NT5E: variants seen among roughly 807,000 people sequenced by gnomAD.
NT5E encodes 5'-nucleotidase.
NT5E carries 53 observed loss-of-function variants against 55.1 expected under a neutral mutation model. The observed-to-expected ratio is 0.96, with a 90% CI of 0.77 to 1.21. NT5E has a LOEUF of 1.21. Ranked by LOEUF, NT5E falls within the 50% of genes most tolerant of loss-of-function variation. The pLI is 0.00. For missense variants in NT5E, 683 were observed against 724.3 expected, an observed-to-expected ratio of 0.94 and a Z score of 0.65; for synonymous variants, 270 against 278.4, an observed-to-expected ratio of 0.97 and a Z score of 0.30.
Position 85,450,087 on chromosome 6 carries a change from G to T in NT5E, c.-53G>T, listed in dbSNP as rs1471819367. 6.9e-7 allele frequency: 1 copy of T among 1,450,948 alleles called. No homozygotes were observed. Among genetic ancestry groups the T allele is most frequent in the Non-Finnish European group, 9.3e-7 (1 of 1,072,950 alleles). The allele number at this position is 1,450,948 out of a possible 1,614,324, so 89.9% of individuals were successfully genotyped here. On this transcript the variant is annotated 5_prime_UTR_variant, in exon 1 of 9. Transcript: ENST00000257770. This position sits in a 1 kb window ranked among gnomAD's most constrained non-coding sequence, Gnocchi z 4.0. ...CGGCCCTAGCTGCTCGCCCCTACTC[G>T]CCGGCACTCGCCCGGCTCGCCCGCT...
intron 6 of NT5E, among the ~76,000 whole-genome samples, chr6:85,490,253 CTG>C (rs1769754503): frequency 6.6e-6 from 1 of 152,234 alleles, no homozygotes; most frequent in Non-Finnish European, 1.5e-5. Flanking sequence ...AGATCTAAGA[CTG>C]AGCATGGTGA....
chr6:85,494,087 T>C lies in NT5E; in HGVS notation c.*83T>C. The C allele has an allele frequency of 7.3e-7, 1 of 1,368,794 alleles. No individual in the cohort carries two copies. Among genetic ancestry groups the C allele is most frequent in the East Asian group, 2.3e-5 (1 of 43,280 alleles). 84.8% of individuals were successfully genotyped at this position (1,368,794 alleles called of 1,614,324 possible). On this transcript the variant is annotated 3_prime_UTR_variant, in exon 9 of 9. Coordinates refer to ENST00000257770, the MANE Select transcript of NT5E (RefSeq NM_002526.4). ...ATCTGCCTTTTAGGACCTGGCTTTG[T>C]GACAGCAAAAACCATCTTTACAGGC...
intron 3 of NT5E, among the ~76,000 whole-genome samples, chr6:85,482,693 C>T (rs1331091120): frequency 6.6e-6 from 1 of 152,238 alleles, no homozygotes; most frequent in Non-Finnish European, 1.5e-5. Flanking sequence ...TTCTGGTGAA[C>T]ATCTTCCTTC....
chr6:85,481,237 C>T (rs1769544683), intron 3 of NT5E, among the ~76,000 whole-genome samples: 2 of 152,134 alleles, frequency 1.3e-5, no homozygotes, highest in Non-Finnish European at 2.9e-5. Context: ...TGGCCCTGAT[C>T]AGATTTTTTA....
At chr6:85,451,739 A>C (rs1768862712) in intron 1 of NT5E, among the ~76,000 whole-genome samples, 1 of 152,174 alleles carries the variant, frequency 6.6e-6, no homozygotes, top group Non-Finnish European at 1.5e-5. Context: ...ACTTTATATG[A>C]GAAGAGCTTA....
At chr6:85,477,911 C>T (rs1385274998) in intron 3 of NT5E, among the ~76,000 whole-genome samples, 1 of 151,808 alleles carries the variant, frequency 6.6e-6, no homozygotes, top group Non-Finnish European at 1.5e-5. Context: ...TTTGCAATTC[C>T]AGTGCTTTGG....
intron 2 of NT5E, 64 bp from the exon 3 acceptor site, chr6:85,471,173 T>G: frequency 1.8e-6 from 2 of 1,125,774 alleles, no homozygotes; most frequent in Non-Finnish European, 2.5e-6. Flanking sequence ...CATGTTAATA[T>G]GTATATTAAG....
chr6:85,473,898 C>T lies in NT5E; in HGVS notation c.751+2473C>T, dbSNP rs1031927740. Among the ~76,000 whole-genome samples the T allele has an allele frequency of 7.9e-5, 12 of 152,276 alleles. No homozygotes were observed. The East Asian group carries it at 2.1e-3, about 27-fold the overall frequency. On this transcript the variant is annotated intron_variant, in intron 3 of 8. Transcript: ENST00000257770. Reference sequence around the variant, plus strand: ...TGTTCCCCTTGACTTGTCTTTACACCATCTTAATCAATGCTGTCTTACAGC... The same window carrying T: ...TGTTCCCCTTGACTTGTCTTTACACTATCTTAATCAATGCTGTCTTACAGC...
At chr6:85,479,223 A>G (rs1402659212) in intron 3 of NT5E, among the ~76,000 whole-genome samples, 2 of 152,254 alleles carry the variant, frequency 1.3e-5, no homozygotes, top group East Asian at 3.8e-4. Flanking sequence ...CTAAATTCAC[A>G]AAATGACTAA....
intron 2 of NT5E, among the ~76,000 whole-genome samples, chr6:85,467,934 A>G (rs1457955423): frequency 6.6e-6 from 1 of 151,958 alleles, no homozygotes; most frequent in Admixed American, 6.6e-5. Context: ...AGACACACAC[A>G]CATATATAAT....
chr6:85,466,549 G>A (rs1332968418), intron 1 of NT5E, among the ~76,000 whole-genome samples: 1 of 152,174 alleles, frequency 6.6e-6, no homozygotes, highest in African/African-American at 2.4e-5. Context: ...GAGTGCTTGG[G>A]AAGAAGCAAT....
At chr6:85,455,350 G>A (rs757953290) in intron 1 of NT5E, among the ~76,000 whole-genome samples, 1 of 152,174 alleles carries the variant, frequency 6.6e-6, no homozygotes, top group African/African-American at 2.4e-5. Flanking sequence ...GGATCAAAGA[G>A]TTGGAACTTT....
chr6:85,492,172 A>T lies in NT5E; in HGVS notation c.1556A>T (p.Asp519Val). The T allele has an allele frequency of 6.2e-7, 1 of 1,613,860 alleles. No homozygotes were observed. The highest frequency in any genetic ancestry group is 8.5e-7 in the Non-Finnish European group (1 of 1,179,850). ...QMIKDELLRH[D>V]SGDQDINVVS... ...ATAAAAGATGAATTATTAAGACATG[A>T]CTCTGGTAAGCATGACTGTCTCTTC... The change falls in exon 8 of 9, where the codon GAC (aspartate) becomes GTC (valine). Residue 519 changes from aspartate to valine, a missense_variant. Coordinates refer to ENST00000257770, the MANE Select transcript of NT5E (RefSeq NM_002526.4).
chr6:85,470,828 T>G (rs1051093624), intron 2 of NT5E, among the ~76,000 whole-genome samples: 2 of 152,260 alleles, frequency 1.3e-5, no homozygotes, highest in African/African-American at 4.8e-5. Flanking sequence ...GTTTTAAGTT[T>G]GAACACTGAT....
At chr6:85,483,276 G>C (rs190745414) in intron 3 of NT5E, among the ~76,000 whole-genome samples, 8 of 152,330 alleles carry the variant, frequency 5.3e-5, no homozygotes, top group African/African-American at 1.9e-4. Context: ...CCGCCACCTT[G>C]TGGACATTTG....
chr6:85,458,307 C>G (rs183804847), intron 1 of NT5E, among the ~76,000 whole-genome samples: 118 of 152,278 alleles, frequency 7.7e-4, no homozygotes, highest in Non-Finnish European at 8.2e-4. Flanking sequence ...GGTTGTGGAT[C>G]CCCAACCTCA....
At chr6:85,452,488 G>A (rs1012234261) in intron 1 of NT5E, among the ~76,000 whole-genome samples, 5 of 152,118 alleles carry the variant, frequency 3.3e-5, no homozygotes, top group African/African-American at 1.2e-4. Context: ...CTTTTTGTTG[G>A]ATGAAATTAC....
intron 2 of NT5E, among the ~76,000 whole-genome samples, chr6:85,469,471 T>G (rs1769261717): frequency 6.6e-6 from 1 of 151,018 alleles, no homozygotes; most frequent in South Asian, 2.1e-4. Context: ...AATAAATGAG[T>G]AAATGGTTTG....
intron 4 of NT5E, 57 bp from the exon 5 acceptor site, chr6:85,487,278 C>T: frequency 2.8e-6 from 4 of 1,433,846 alleles, no homozygotes; most frequent in Non-Finnish European, 3.9e-6. Flanking sequence ...ATTCCTTTTC[C>T]AGAATTTAGC....
Sources: gnomAD v4.1 joint callset for allele counts (sites outside exome capture counted in the v4.1 genomes callset) on GRCh38, gnomAD v4.1.1 for gene constraint, Gnocchi (gnomAD v3.1) non-coding constraint, MANE v1.5 for transcripts, NCBI Gene and HGNC (gene_info 2026-07-23, HGNC 2026-07-21) for gene names.